YEATS2: variants seen among roughly 807,000 people sequenced by gnomAD.
YEATS2 encodes YEATS domain containing 2.
A neutral mutation model predicts 163.2 loss-of-function variants in YEATS2; 77 were observed. The observed-to-expected ratio is 0.47, with a 90% CI of 0.39 to 0.57. The LOEUF (loss-of-function observed/expected upper bound fraction) is 0.57. Ranked by LOEUF, YEATS2 falls within the 20% of genes least tolerant of loss-of-function variation. The pLI is 0.00. For synonymous variants in YEATS2, 631 were observed against 645.1 expected, an observed-to-expected ratio of 0.98 and a Z score of 0.33; for missense variants, 1,549 against 1,729.8, an observed-to-expected ratio of 0.90 and a Z score of 1.85.
intron 23 of YEATS2, 48 bp from the exon 24 acceptor site, chr3:183,800,418 C>T (rs755320112): frequency 3.0e-5 from 42 of 1,419,452 alleles, no homozygotes; most frequent in Non-Finnish European, 4.1e-5. Context: ...ACGTGTCCTT[C>T]CACCACTGAC....
At chr3:183,719,615 A>G (rs1054910002) in intron 4 of YEATS2, among the ~76,000 whole-genome samples, 2 of 152,022 alleles carry the variant, frequency 1.3e-5, no homozygotes, top group African/African-American at 4.8e-5. Context: ...GTGAATGGCA[A>G]TTTTTAGTTT....
intron 12 of YEATS2, among the ~76,000 whole-genome samples, chr3:183,757,770 G>GTTT (rs34399286): frequency 7.1e-6 from 1 of 140,416 alleles, no homozygotes; most frequent in Non-Finnish European, 1.6e-5. Context: ...TTTCCAAGCA[G>GTTT]TTTTTTTTTT....
chr3:183,744,608 T>C (rs1037449352), intron 8 of YEATS2, among the ~76,000 whole-genome samples: 4 of 152,212 alleles, frequency 2.6e-5, no homozygotes, highest in Non-Finnish European at 5.9e-5. Flanking sequence ...AAATGTTTCC[T>C]ACCAGTTTTC....
At chr3:183,807,351 A>G (rs1726322284) in intron 28 of YEATS2, 2 of 442,296 alleles carry the variant, frequency 4.5e-6, no homozygotes, top group Non-Finnish European at 4.1e-6. Flanking sequence ...TTGAACGCAG[A>G]CGTGAAGCAA....
At chr3:183,781,624 A>G (rs1723570278) in intron 19 of YEATS2, among the ~76,000 whole-genome samples, 1 of 152,214 alleles carries the variant, frequency 6.6e-6, no homozygotes, top group African/African-American at 2.4e-5. Context: ...GCTCAAGAAA[A>G]TTCAAAGCTT....
intron 12 of YEATS2, among the ~76,000 whole-genome samples, chr3:183,757,565 CTACCACG>C (rs1720900785): frequency 6.6e-6 from 1 of 152,194 alleles, no homozygotes; most frequent in African/African-American, 2.4e-5. Context: ...CAGGCGTGAG[CTACCACG>C]CCTGGCCCCA....
In YEATS2 at chr3:183,722,047, T is replaced by G; in HGVS notation, c.448T>G (p.Leu150Val). Residue 150 changes from leucine to valine, a missense_variant, in exon 5 of 31, where the codon TTA becomes GTA. Transcript: ENST00000305135. ...SDSLSQHNDF[L>V]SDKDNNSNMD... ...TTCTTTATCTCAGCACAATGACTTCTTATCTGACAAAGATAATAACAGCAA... is the reference window on the plus strand; with the variant it reads ...TTCTTTATCTCAGCACAATGACTTCGTATCTGACAAAGATAATAACAGCAA... 1 of 1,614,148 alleles carries G rather than the reference T, an allele frequency of 6.2e-7. No homozygotes were observed. The highest frequency in any genetic ancestry group is 8.5e-7 in the Non-Finnish European group (1 of 1,180,024).
chr3:183,787,989 C>A (rs1317181745), intron 20 of YEATS2, among the ~76,000 whole-genome samples: 5 of 152,030 alleles, frequency 3.3e-5, no homozygotes, highest in African/African-American at 1.2e-4. Context: ...GACAGTAGAG[C>A]GAGATTCCAT....
chr3:183,720,567 C>T (rs1261884302), intron 4 of YEATS2, among the ~76,000 whole-genome samples: 1 of 152,050 alleles, frequency 6.6e-6, no homozygotes, highest in African/African-American at 2.4e-5. Flanking sequence ...TGGTGCTGCT[C>T]CTGATGCTGT....
rs1176429941 is a variant in YEATS2 at position 183,707,678 on chromosome 3, A to ATTTTTTTT, written c.-19-7450_-19-7443dup. 1.0e-3 allele frequency among the ~76,000 whole-genome samples: 108 copies of ATTTTTTTT among 106,116 alleles called. 1 individual carries two copies. The highest frequency in any genetic ancestry group is 3.4e-3 in the African/African-American group (90 of 26,542). 69.6% of individuals were successfully genotyped at this position (106,116 alleles called of 152,430 possible). Reference sequence around the variant, plus strand: ...ATTGTACTACTCCCCTTCCCCACCTATTTTTTTTTTTTTTTTTTTTTTTGA... The same window carrying ATTTTTTTT: ...ATTGTACTACTCCCCTTCCCCACCTATTTTTTTTTTTTTTTTTTTTTTTTTTTTTTTGA... On this transcript the variant is annotated intron_variant, in intron 1 of 30. Transcript: ENST00000305135.
chr3:183,748,004 A>G (rs1033930597), intron 9 of YEATS2, among the ~76,000 whole-genome samples: 2 of 151,368 alleles, frequency 1.3e-5, no homozygotes, highest in Non-Finnish European at 2.9e-5. Context: ...CACCTGGCCG[A>G]TCTTCATTTT....
At chr3:183,767,376 C>T (rs1298185464) in intron 15 of YEATS2, among the ~76,000 whole-genome samples, 1 of 139,924 alleles carries the variant, frequency 7.1e-6, no homozygotes, top group Non-Finnish European at 1.6e-5. Context: ...CACACCACCA[C>T]GCCCAGCTAA....
In YEATS2 at chr3:183,761,577, C is replaced by G. The variant is rs748786368; in HGVS notation, c.1727C>G (p.Pro576Arg). The G allele has an allele frequency of 6.2e-7, 1 of 1,614,100 alleles. No individual in the cohort carries two copies. The highest frequency in any genetic ancestry group is 1.1e-5 in the South Asian group (1 of 91,072). The change falls in exon 14 of 31, where the codon CCC becomes CGC. Residue 576 changes from proline to arginine, a missense_variant. Pro to Arg is a moderately radical substitution (Grantham distance 103). Transcript: ENST00000305135. Reference protein sequence around the residue: ...PIGSHPKVQSPKPITGGLGAF... With the variant: ...PIGSHPKVQSRKPITGGLGAF... ...GGGAGTCACCCTAAGGTTCAAAGCC[C>G]CAAACCTATAACAGGAGGACTTGGA...
chr3:183,701,712 A>C (rs1714113222), intron 1 of YEATS2, among the ~76,000 whole-genome samples: 1 of 152,198 alleles, frequency 6.6e-6, no homozygotes, highest in African/African-American at 2.4e-5. Context: ...AGTACCTTTT[A>C]AGTTAAGTGA....
At chr3:183,726,060 A>G (rs1375449844) in intron 6 of YEATS2, among the ~76,000 whole-genome samples, 3 of 151,806 alleles carry the variant, frequency 2.0e-5, no homozygotes, top group African/African-American at 7.3e-5. Context: ...TCCTGGTGTT[A>G]CAGTAGGAGG....
chr3:183,747,849 G>A (rs185701770), intron 9 of YEATS2, 133 bp downstream of exon 9: 17 of 655,894 alleles, frequency 2.6e-5, no homozygotes, highest in Middle Eastern at 3.3e-4. Context: ...GCATGATCTC[G>A]GCTCACTGCA....
intron 21 of YEATS2, among the ~76,000 whole-genome samples, chr3:183,795,350 T>C (rs1431054371): frequency 6.6e-6 from 1 of 151,822 alleles, no homozygotes; most frequent in Non-Finnish European, 1.5e-5. Context: ...TGCAGGGGCA[T>C]GATCATAGCT....
intron 15 of YEATS2, among the ~76,000 whole-genome samples, chr3:183,771,174 C>T (rs1262689559): frequency 6.6e-6 from 1 of 152,186 alleles, no homozygotes; most frequent in Admixed American, 6.5e-5. Context: ...TCCCCACAGC[C>T]TCTAGTAACT....
chr3:183,777,928 A>G (rs1430113795), intron 19 of YEATS2, among the ~76,000 whole-genome samples: 4 of 152,038 alleles, frequency 2.6e-5, no homozygotes, highest in African/African-American at 7.2e-5. Flanking sequence ...CATGGCCAAC[A>G]TAGTGAAACC....
Sources: gnomAD v4.1 joint callset for allele counts (sites outside exome capture counted in the v4.1 genomes callset) on GRCh38, gnomAD v4.1.1 for gene constraint, MANE v1.5 for transcripts, NCBI Gene and HGNC (gene_info 2026-07-23, HGNC 2026-07-21) for gene names.